The following NEDD9 variants were observed in gnomAD, a reference collection of about 807,000 sequenced individuals.
The protein encoded by NEDD9 is enhancer of filamentation 1.
Under a neutral mutation model 76.6 loss-of-function variants are expected in NEDD9, and 26 were observed. The observed-to-expected ratio is 0.34, with a 90% CI of 0.25 to 0.47. NEDD9 has a LOEUF of 0.47. NEDD9 is among the 20% of genes least tolerant of loss of function. The pLI, the probability that NEDD9 is intolerant of heterozygous loss-of-function variation, is 1.00. For synonymous variants in NEDD9, 392 were observed against 414.2 expected (o/e 0.95, Z 0.65); for missense variants, 937 against 1,058.5 (o/e 0.89, Z 1.59).
intron 2 of NEDD9, among the ~76,000 whole-genome samples, chr6:11,313,433 G>T (rs144196045): frequency 8.7e-5 from 12 of 137,382 alleles, no homozygotes; most frequent in African/African-American, 2.9e-4. Flanking sequence ...GGATGGGTGG[G>T]TGGGTGGATG....
At chr6:11,358,398 G>T (rs1002428188) in intron 1 of NEDD9, among the ~76,000 whole-genome samples, 1 of 152,200 alleles carries the variant, frequency 6.6e-6, no homozygotes, top group Non-Finnish European at 1.5e-5. Context: ...GGTCTGGAAG[G>T]CTTGGCCATG....
At chr6:11,371,922 T>C (rs1431953997) in intron 1 of NEDD9, among the ~76,000 whole-genome samples, 1 of 152,240 alleles carries the variant, frequency 6.6e-6, no homozygotes, top group African/African-American at 2.4e-5. Context: ...CAATGTGTAA[T>C]AATCACATCA....
intron 2 of NEDD9, among the ~76,000 whole-genome samples, chr6:11,206,326 G>A (rs1758615643): frequency 6.6e-6 from 1 of 152,078 alleles, no homozygotes; most frequent in Admixed American, 6.5e-5. Context: ...GGCGGAGACA[G>A]GAGAATCGCT....
intron 2 of NEDD9, among the ~76,000 whole-genome samples, chr6:11,204,703 G>A (rs1184571131): frequency 7.4e-6 from 1 of 134,816 alleles, no homozygotes; most frequent in African/African-American, 2.8e-5. Context: ...CTGGTCAACA[G>A]AGGGAGGGTC....
rs1216170706 is a variant in NEDD9, at chr6:11,184,709, T to G, written c.*453A>C. On this transcript the variant is annotated 3_prime_UTR_variant, in exon 7 of 7. Transcript: ENST00000379446. Reference sequence around the variant, plus strand: ...GCAAATAAACTATGCTTCCCAGATTTGGGAGTGCCAGGCTCAGAATCATCA... The same window carrying G: ...GCAAATAAACTATGCTTCCCAGATTGGGGAGTGCCAGGCTCAGAATCATCA... 6.4e-6 allele frequency: 1 copy of G among 155,716 alleles called. No individual in the cohort carries two copies. The highest frequency in any genetic ancestry group is 2.4e-5 in the African/African-American group (1 of 41,454). 9.6% of individuals were successfully genotyped at this position (155,716 alleles called of 1,614,324 possible).
chr6:11,319,537 T>C (rs1264426793), intron 2 of NEDD9, among the ~76,000 whole-genome samples: 18 of 62,546 alleles, frequency 2.9e-4, no homozygotes, highest in African/African-American at 1.0e-3. Context: ...CACACTAACA[T>C]GCGGACACAC....
At chr6:11,266,204 G>T (rs1760198191) in intron 3 of NEDD9, among the ~76,000 whole-genome samples, 1 of 152,076 alleles carries the variant, frequency 6.6e-6, no homozygotes, top group Non-Finnish European at 1.5e-5. Flanking sequence ...AACAAATAAT[G>T]CCCTAAAGCA....
At chr6:11,354,133 T>A (rs1408820373) in intron 1 of NEDD9, among the ~76,000 whole-genome samples, 1 of 152,164 alleles carries the variant, frequency 6.6e-6, no homozygotes, top group East Asian at 1.9e-4. Flanking sequence ...ATACTGTGGT[T>A]TGAACAAAGC....
intron 4 of NEDD9, among the ~76,000 whole-genome samples, chr6:11,191,572 T>C (rs897866552): frequency 2.6e-5 from 4 of 152,212 alleles, no homozygotes; most frequent in African/African-American, 9.6e-5. Context: ...AGCTGTGTGA[T>C]GCTGAATGAG....
At chr6:11,224,598 A>T (rs1759249487) in intron 1 of NEDD9, among the ~76,000 whole-genome samples, 1 of 151,340 alleles carries the variant, frequency 6.6e-6, no homozygotes, top group Non-Finnish European at 1.5e-5. Flanking sequence ...AGTGACTAGT[A>T]ACAAGAACGA....
Position 11,232,595 on chromosome 6 carries a change from G to T in NEDD9, c.-80C>A. 6.2e-7 allele frequency: 1 copy of T among 1,611,966 alleles called. No individual in the cohort carries two copies. ...ACTGCGGTGCCCGCCCCTCCATTGAGTGCAGCGCTAGATGAAAGCGAGAAG... is the reference window on the plus strand; with the variant it reads ...ACTGCGGTGCCCGCCCCTCCATTGATTGCAGCGCTAGATGAAAGCGAGAAG... On this transcript the variant is annotated 5_prime_UTR_variant, in exon 1 of 7. Transcript: ENST00000379446.
chr6:11,281,945 G>T (rs546309470), intron 3 of NEDD9, among the ~76,000 whole-genome samples: 5 of 151,582 alleles, frequency 3.3e-5, no homozygotes, highest in African/African-American at 1.2e-4. Flanking sequence ...TGCCATATTG[G>T]CCAGGCTTGT....
chr6:11,319,987 A>C (rs1470924183), intron 2 of NEDD9, among the ~76,000 whole-genome samples: 1 of 152,208 alleles, frequency 6.6e-6, no homozygotes, highest in Non-Finnish European at 1.5e-5. Flanking sequence ...TATTTCAAGA[A>C]AGAAGATCCA....
At chr6:11,357,763 A>C (rs1463133987) in intron 1 of NEDD9, among the ~76,000 whole-genome samples, 3 of 152,244 alleles carry the variant, frequency 2.0e-5, no homozygotes, top group Admixed American at 1.3e-4. Flanking sequence ...GGCAGGAAGC[A>C]GTCCTTGGAA....
chr6:11,378,274 G>A (rs1763001050), intron 1 of NEDD9, among the ~76,000 whole-genome samples: 1 of 152,042 alleles, frequency 6.6e-6, no homozygotes, highest in Non-Finnish European at 1.5e-5. Context: ...AAAAGAGTGT[G>A]GCACCTCCCA....
Position 11,209,975 on chromosome 6 carries a change from T to TTTTTTTGTTTTTG in NEDD9, c.459+3305_459+3306insCAAAAACAAAAAA, listed in dbSNP as rs1167935311. Among the ~76,000 whole-genome samples, 101 of 150,458 alleles carry TTTTTTTGTTTTTG rather than the reference T, an allele frequency of 6.7e-4. 2 individuals carry two copies. The East Asian group carries it at 0.017, about 25-fold the overall frequency. On this transcript the variant is annotated intron_variant, in intron 2 of 6. Transcript: ENST00000379446. ...TAGAAGGCAGAATTCACTGTCTTTT[T>TTTTTTTGTTTTTG]TTTTTCCTTAAGTGATTCATTAGTA...
intron 3 of NEDD9, among the ~76,000 whole-genome samples, chr6:11,192,950 A>G (rs1046852073): frequency 6.6e-6 from 1 of 150,696 alleles, no homozygotes; most frequent in African/African-American, 2.4e-5. Context: ...AAAAAAAAAA[A>G]AAAAAAAAAG....
intron 1 of NEDD9, among the ~76,000 whole-genome samples, chr6:11,354,204 G>T (rs145534633): frequency 1.3e-5 from 2 of 152,180 alleles, no homozygotes; most frequent in Non-Finnish European, 2.9e-5. Context: ...AGAGCTCTGG[G>T]GCTATTTATT....
Position 11,244,265 on chromosome 6 carries a change from ACACACACACACGTGTGTG to A in NEDD9, c.13-30556_13-30539del, listed in dbSNP as rs1040892877. Among the ~76,000 whole-genome samples the A allele has an allele frequency of 2.9e-3, 446 of 152,086 alleles. 1 individual carries two copies. Among genetic ancestry groups the A allele is most frequent in the African/African-American group, 0.01 (417 of 41,526 alleles). ...TCTTTTACTCTCTTTCTCTTTACAC[ACACACACACACGTGTGTG>A]CACGCACACACACACATAGATACAC... On this transcript the variant is annotated intron_variant, in intron 3 of 3. Coordinates refer to the NEDD9 transcript ENST00000397378.
Sources: gnomAD v4.1 joint callset for allele counts (sites outside exome capture counted in the v4.1 genomes callset) on GRCh38, gnomAD v4.1.1 for gene constraint, MANE v1.5 for transcripts, NCBI Gene and HGNC (gene_info 2026-07-23, HGNC 2026-07-21) for gene names.